Variants in CA2 observed in about 807,000 individuals in gnomAD.
CA2 encodes the protein carbonate dehydratase II.
A neutral mutation model predicts 27.8 loss-of-function variants in CA2; 23 were observed. That is an observed-to-expected ratio of 0.83 (90% CI 0.59 to 1.17). The LOEUF (loss-of-function observed/expected upper bound fraction) is 1.17, where lower values mean the gene tolerates loss of function less well. Ranked by LOEUF, CA2 falls within the 50% of genes most tolerant of loss-of-function variation. The pLI is 0.00. For missense variants in CA2, 300 were observed against 314.7 expected (o/e 0.95, Z 0.35); for synonymous variants, 99 against 114.9 (o/e 0.86, Z 0.88).
At chr8:85,477,301 T>G (rs946402391) in intron 6 of CA2, 26 bp downstream of exon 6, 2 of 1,613,848 alleles carry the variant, frequency 1.2e-6, no homozygotes, top group South Asian at 1.1e-5. Context: ...ACAGGTCTGT[T>G]TACGGGTGGA....
rs532361966 is a variant in CA2, at chr8:85,469,613, G to T, written c.233-4080G>T. ...AGATGTTTTATTAATGGCCTTATCT[G>T]GGAGAAAATAATAGTAGTCAAATTA... On this transcript the variant is annotated intron_variant, in intron 2 of 6. Coordinates refer to ENST00000285379, the MANE Select transcript of CA2 (RefSeq NM_000067.3). Among the ~76,000 whole-genome samples, 9 of 152,128 alleles carry T rather than the reference G, an allele frequency of 5.9e-5. No homozygotes were observed. The East Asian group carries it at 7.7e-4, about 13-fold the overall frequency.
intron 2 of CA2, among the ~76,000 whole-genome samples, chr8:85,473,173 G>GT (rs1811735448): frequency 6.6e-6 from 1 of 152,088 alleles, no homozygotes. Flanking sequence ...ACAAATTCGG[G>GT]TGTCTAAGAA....
chr8:85,466,266 C>T (rs1257380893), intron 2 of CA2, among the ~76,000 whole-genome samples: 2 of 151,490 alleles, frequency 1.3e-5, no homozygotes, highest in Non-Finnish European at 2.9e-5. Context: ...AATTTAATTG[C>T]CAGTGCCCTA....
chr8:85,476,972 T>G (rs1362572697), intron 5 of CA2, 148 bp from the exon 6 acceptor site: 1 of 721,330 alleles, frequency 1.4e-6, no homozygotes, highest in Non-Finnish European at 2.5e-6. Context: ...TTCTCTTTAT[T>G]TTGTTTGCCA....
rs985978654 is a variant in CA2, at chr8:85,481,302, C to T, written c.*513C>T. ...TTTAAAAATTATTATATATTTATAG[C>T]AAAGTTATCTTAAATATGAATTCTG... is the stretch of plus-strand genomic sequence containing the variant. On this transcript the variant is annotated 3_prime_UTR_variant, in exon 7 of 7. Transcript: ENST00000285379. 1.3e-5 allele frequency: 2 copies of T among 153,920 alleles called. No homozygotes were observed. The highest frequency in any genetic ancestry group is 4.8e-5 in the African/African-American group (2 of 41,370). 9.5% of individuals were successfully genotyped at this position (153,920 alleles called of 1,614,324 possible).
At chr8:85,473,473 A>G (rs1164997354) in intron 2 of CA2, 1 of 661,992 alleles carries the variant, frequency 1.5e-6, no homozygotes, top group Non-Finnish European at 2.8e-6. Flanking sequence ...AAACAGGTAA[A>G]GTGATTTTGT....
chr8:85,476,971 T>A lies in CA2; in HGVS notation c.508-149T>A, dbSNP rs539136677. ...AATGTCTTCTGTTAATTTCTCTTTA[T>A]TTTGTTTGCCAGTGAATATAGAACC... On this transcript the variant is annotated intron_variant, in intron 5 of 6. Coordinates refer to ENST00000285379, the MANE Select transcript of CA2 (RefSeq NM_000067.3). 3.9e-4 allele frequency: 277 copies of A among 718,378 alleles called. 2 individuals carry two copies. The South Asian group carries it at 4.0e-3, about 10-fold the overall frequency. 44.5% of individuals were successfully genotyped at this position (718,378 alleles called of 1,614,324 possible). A position where few individuals can be genotyped will look rare whatever the true frequency, so the allele number is the denominator to read the frequency against.
chr8:85,471,539 C>T (rs931388643), intron 2 of CA2, among the ~76,000 whole-genome samples: 5 of 151,974 alleles, frequency 3.3e-5, no homozygotes, highest in African/African-American at 1.2e-4. Flanking sequence ...ACTTTATTCT[C>T]CTTAAAATGT....
intron 4 of CA2, 55 bp downstream of exon 4, chr8:85,474,471 A>C: frequency 8.0e-7 from 1 of 1,255,648 alleles, no homozygotes; most frequent in Non-Finnish European, 1.2e-6. Flanking sequence ...GAATGACCAG[A>C]CAGAGTATTT....
In CA2 at chr8:85,464,021, C is replaced by G; in HGVS notation, c.-61C>G. On this transcript the variant is annotated 5_prime_UTR_variant, in exon 1 of 7. Transcript: ENST00000285379. ...GACCCGCGGACACACAGTGCAGGCG[C>G]CCAAGCCGCCGCCGCCAGATCGGTG... is the stretch of plus-strand genomic sequence containing the variant. 1 of 1,521,238 alleles carries G rather than the reference C, an allele frequency of 6.6e-7. No individual in the cohort carries two copies. Among genetic ancestry groups the G allele is most frequent in the South Asian group, 1.2e-5 (1 of 83,532 alleles). The allele number at this position is 1,521,238 out of a possible 1,614,324, so 94.2% of individuals were successfully genotyped here. A position where few individuals can be genotyped will look rare whatever the true frequency, so the allele number is the denominator to read the frequency against.
At chr8:85,476,520 T>C (rs1331002971) in intron 5 of CA2, among the ~76,000 whole-genome samples, 1 of 152,192 alleles carries the variant, frequency 6.6e-6, no homozygotes, top group Non-Finnish European at 1.5e-5. Context: ...ACCTGATCTC[T>C]CTTCCAAATA....
chr8:85,474,265 A>C (rs1563434424), intron 3 of CA2, 59 bp from the exon 4 acceptor site: 1 of 1,212,776 alleles, frequency 8.2e-7, no homozygotes, highest in East Asian at 2.3e-5. Context: ...CCATTGAATA[A>C]AATCTGTCAG....
chr8:85,466,143 A>G (rs1170183849), intron 2 of CA2, among the ~76,000 whole-genome samples: 1 of 139,598 alleles, frequency 7.2e-6, no homozygotes, highest in African/African-American at 2.7e-5. Flanking sequence ...AAAAAAAAAA[A>G]AGAAAGAGAA....
At chr8:85,475,050 G>C (rs969557232) in intron 4 of CA2, among the ~76,000 whole-genome samples, 15 of 152,108 alleles carry the variant, frequency 9.9e-5, no homozygotes, top group Non-Finnish European at 1.6e-4. Flanking sequence ...GCTTAAGCCT[G>C]TAATCCCAGC....
intron 6 of CA2, among the ~76,000 whole-genome samples, chr8:85,478,233 A>C (rs188056382): frequency 1.6e-4 from 24 of 152,356 alleles, no homozygotes; most frequent in Admixed American, 1.6e-3. Flanking sequence ...GTCCTCCCTT[A>C]GAATATGAAC....
chr8:85,473,528 T>A (rs1412107487), intron 2 of CA2, 165 bp from the exon 3 acceptor site: 9 of 689,108 alleles, frequency 1.3e-5, no homozygotes, highest in Non-Finnish European at 2.4e-5. Context: ...ATTTTCAGAG[T>A]AAAATGTGAT....
In CA2 at chr8:85,480,758, A is replaced by T. The variant is rs372600938; in HGVS notation, c.752A>T (p.Lys251Met). 14 of 1,613,858 alleles carry T rather than the reference A, an allele frequency of 8.7e-6. No homozygotes were observed. Among genetic ancestry groups the T allele is most frequent in the Non-Finnish European group, 1.2e-5 (14 of 1,179,900 alleles). ...AACTGGCGCCCAGCTCAGCCACTGA[A>T]GAACAGGCAAATCAAAGCTTCCTTC... is the stretch of plus-strand genomic sequence containing the variant. ...VDNWRPAQPL[K>M]NRQIKASFK The change falls in exon 7 of 7, where the codon AAG becomes ATG. Residue 251 changes from lysine to methionine, a missense_variant. Lys to Met is a moderately conservative substitution (Grantham distance 95). Coordinates refer to ENST00000285379, the MANE Select transcript of CA2 (RefSeq NM_000067.3).
chr8:85,473,014 A>T (rs1563433886), intron 2 of CA2, among the ~76,000 whole-genome samples: 1 of 10,588 alleles, frequency 9.4e-5, no homozygotes, highest in African/African-American at 3.1e-4. Flanking sequence ...TAATAATAAT[A>T]AATAAATAAA....
At chr8:85,472,673 G>A (rs1811727570) in intron 2 of CA2, among the ~76,000 whole-genome samples, 2 of 152,122 alleles carry the variant, frequency 1.3e-5, no homozygotes, top group Non-Finnish European at 2.9e-5. Flanking sequence ...CCACAGATGA[G>A]TAAATTAAGG....
Sources: gnomAD v4.1 joint callset for allele counts (sites outside exome capture counted in the v4.1 genomes callset) on GRCh38, gnomAD v4.1.1 for gene constraint, MANE v1.5 for transcripts, NCBI Gene and HGNC (gene_info 2026-07-23, HGNC 2026-07-21) for gene names.